Variants in IZUMO4 observed in about 807,000 individuals in gnomAD.
The protein encoded by IZUMO4 is IZUMO family member 4.
Under a neutral mutation model 37.1 loss-of-function variants are expected in IZUMO4, and 51 were observed. That is an observed-to-expected ratio of 1.38 (90% CI 1.10 to 1.74). IZUMO4 has a LOEUF of 1.74. IZUMO4 is among the 40% of genes most tolerant of loss of function. IZUMO4 has a pLI of 0.00. For synonymous variants in IZUMO4, 162 were observed against 121.4 expected (o/e 1.33, Z -2.20); for missense variants, 364 against 299.6 (o/e 1.21, Z -1.59).
At chr19:2,097,860 G>A (rs780447388) in intron 3 of IZUMO4, 69 bp from the exon 4 acceptor site, 207 of 1,588,232 alleles carry the variant, frequency 1.3e-4, no homozygotes, top group Non-Finnish European at 1.7e-4. Flanking sequence ...GGCTTTGGAG[G>A]GTTGGGAGGA....
rs764497673 is a variant in IZUMO4 at position 2,097,117 on chromosome 19, G to A, written c.172G>A (p.Asp58Asn). 15 of 1,612,450 alleles carry A rather than the reference G, an allele frequency of 9.3e-6. No individual in the cohort carries two copies. The highest frequency in any genetic ancestry group is 1.2e-5 in the Non-Finnish European group (14 of 1,179,858). Residue 58 changes from aspartate to asparagine, a missense_variant, in exon 1 of 10, where the codon GAC (aspartate) becomes AAC (asparagine). Asp to Asn is a conservative substitution (Grantham distance 23). Transcript: ENST00000395301. ...VSGALLTDWSDDTMKELHLAI... is the reference protein window; with the variant it reads ...VSGALLTDWSNDTMKELHLAI... ...AGGGGCGCTGCTCACCGACTGGAGC[G>A]ACGACACGATGAAGGAGCTGCACCT...
chr19:2,098,068 G>T lies in IZUMO4; in HGVS notation c.414G>T (p.Glu138Asp). ...CQHRCGIFQY[E>D]TISCNNCTDS... The stretch of plus-strand genomic sequence containing the variant: ...GTGTTTCAGGCATCTTCCAGTACGA[G>T]ACCATCTCCTGCAACAACTGCACAG... Residue 138 changes from glutamate to aspartate, a missense_variant, in exon 5 of 10, where the codon GAG becomes GAT. Glu to Asp is a conservative substitution (Grantham distance 45). Transcript: ENST00000395301. 2 of 1,613,438 alleles carry T rather than the reference G, an allele frequency of 1.2e-6. No homozygotes were observed. Among genetic ancestry groups the T allele is most frequent in the Non-Finnish European group, 1.7e-6 (2 of 1,179,994 alleles).
chr19:2,098,786 G>A lies in IZUMO4; in HGVS notation c.537-1G>A. On this transcript the variant is annotated splice_acceptor_variant, in intron 7 of 9. Transcript: ENST00000395301. LOFTEE classifies it high-confidence loss of function. ...GCTGACTGCCCCACATTGCCTTTCA[G>A]ACAGGACACGAGCATGAGGTAAGGC... The A allele has an allele frequency of 6.2e-7, 1 of 1,601,976 alleles. No individual in the cohort carries two copies. The highest frequency in any genetic ancestry group is 8.5e-7 in the Non-Finnish European group (1 of 1,174,992).
Position 2,099,310 on chromosome 19 carries a change from T to G in IZUMO4, c.664T>G (p.Leu222Val), listed in dbSNP as rs2017845006. 1.2e-6 allele frequency: 2 copies of G among 1,613,436 alleles called. No individual in the cohort carries two copies. Among genetic ancestry groups the G allele is most frequent in the Non-Finnish European group, 1.7e-6 (2 of 1,179,926 alleles). Residue 222 changes from leucine (L) to valine (V), a missense_variant, in exon 10 of 10, where the codon TTG (leucine) becomes GTG (valine). Physicochemically the swap from Leu to Val is conservative, Grantham distance 32 (BLOSUM62 1). Transcript: ENST00000395301. ...GCCCCCACACTTGGCCAACCTGACC[T>G]TGGAAGATGCTGCTGAGTGTCTCAA... ...LEPPHLANLT[L>V]EDAAECLKQH
intron 4 of IZUMO4, 46 bp downstream of exon 4, chr19:2,098,001 C>A: frequency 6.2e-7 from 1 of 1,613,042 alleles, no homozygotes; most frequent in Non-Finnish European, 8.5e-7. Flanking sequence ...GGTGGCAGCT[C>A]GGGGCCCTGG....
At chr19:2,098,865 A>T in intron 8 of IZUMO4, 61 bp downstream of exon 8, 15 of 1,344,406 alleles carry the variant, frequency 1.1e-5, no homozygotes, top group Non-Finnish European at 1.5e-5. Context: ...GAGGGGGGCT[A>T]GGGGGTCCTC....
chr19:2,098,476 A>G, intron 7 of IZUMO4, 26 bp downstream of exon 7: 1 of 1,613,710 alleles, frequency 6.2e-7, no homozygotes, highest in Non-Finnish European at 8.5e-7. Context: ...AAACCAACAC[A>G]GGCAGTGTGT....
chr19:2,097,716 G>A, intron 3 of IZUMO4: 1 of 692,788 alleles, frequency 1.4e-6, no homozygotes, highest in Admixed American at 2.7e-5. Context: ...TGGGAGTGTT[G>A]CCACCGCCCT....
In IZUMO4 at chr19:2,097,067, G is replaced by C. The variant is rs749233155; in HGVS notation, c.122G>C (p.Trp41Ser). Residue 41 changes from tryptophan (W) to serine (S), a missense_variant, in exon 1 of 10, where the codon TGG becomes TCG. Physicochemically the swap from Trp to Ser is radical, Grantham distance 177 (BLOSUM62 -3). Coordinates refer to ENST00000395301, the MANE Select transcript of IZUMO4 (RefSeq NM_001039846.2). Reference sequence around the variant, plus strand: ...CGCCACCATGTGAACTTCAAGTCCTGGTGGGTGGGCGACATCCCCGTGTCA... The same window carrying C: ...CGCCACCATGTGAACTTCAAGTCCTCGTGGGTGGGCGACATCCCCGTGTCA... ...FYRHHVNFKS[W>S]WVGDIPVSGA... The C allele has an allele frequency of 3.7e-6, 6 of 1,612,836 alleles. No homozygotes were observed. Among genetic ancestry groups the C allele is most frequent in the South Asian group, 1.1e-5 (1 of 91,090 alleles).
intron 7 of IZUMO4, 33 bp from the exon 8 acceptor site, chr19:2,098,754 T>C (rs749437053): frequency 1.4e-5 from 22 of 1,604,808 alleles, no homozygotes; most frequent in Non-Finnish European, 1.9e-5. Flanking sequence ...GGGTGCCCCA[T>C]GGAGGGGCTG....
In IZUMO4 at chr19:2,097,424, G is replaced by A; in HGVS notation, c.299G>A (p.Gly100Glu). ...ACCTTCTCCTGCCTCGACGACTCAG[G>A]GTATTTCCCCAACGAGCTGCGAAAC... ...QLYQGKMYFP[G>E]YFPNELRNIF... The change falls in exon 3 of 10, where the codon GGG (glycine) becomes GAG (glutamate). Residue 100 changes from glycine (G) to glutamate (E), a missense_variant and splice_region_variant. Transcript: ENST00000395301. The A allele has an allele frequency of 6.2e-7, 1 of 1,613,040 alleles. No individual in the cohort carries two copies. The highest frequency in any genetic ancestry group is 1.1e-5 in the South Asian group (1 of 91,078).
intron 8 of IZUMO4, 48 bp from the exon 9 acceptor site, chr19:2,098,928 C>T (rs768328297): frequency 3.1e-6 from 5 of 1,600,352 alleles, no homozygotes; most frequent in Non-Finnish European, 3.4e-6. Flanking sequence ...GGGACACCTG[C>T]TGGATGTCAC....
chr19:2,098,498 C>A (rs530429192), intron 7 of IZUMO4, 48 bp downstream of exon 7: 2 of 1,613,094 alleles, frequency 1.2e-6, no homozygotes, highest in Middle Eastern at 1.6e-4. Context: ...TATGTGAGCA[C>A]CTCGTGGGTG....
rs752862772 is a variant in IZUMO4, at chr19:2,099,372, CGTG to C, written c.*29_*31del. ...AGCAGCTGGGCCTGCCCCAGGGCAACGTGGGGGCGGAGACTCAGCTGGACAGCC... is the reference window on the plus strand; with the variant it reads ...AGCAGCTGGGCCTGCCCCAGGGCAACGGGGCGGAGACTCAGCTGGACAGCC... On this transcript the variant is annotated 3_prime_UTR_variant, in exon 10 of 10. Transcript: ENST00000395301. The C allele has an allele frequency of 1.3e-6, 2 of 1,530,464 alleles. No individual in the cohort carries two copies. The highest frequency in any genetic ancestry group is 1.8e-6 in the Non-Finnish European group (2 of 1,116,920). The allele number at this position is 1,530,464 out of a possible 1,614,324, so 94.8% of individuals were successfully genotyped here. A position where few individuals can be genotyped will look rare whatever the true frequency, so the allele number is the denominator to read the frequency against.
At chr19:2,097,200 C>T (rs762277495) in intron 1 of IZUMO4, 38 bp downstream of exon 1, 1 of 1,605,928 alleles carries the variant, frequency 6.2e-7, no homozygotes, top group South Asian at 1.1e-5. Flanking sequence ...GACTACCCCG[C>T]CAGCGAGACC....
chr19:2,098,989 G>A lies in IZUMO4; in HGVS notation c.568G>A (p.Ala190Thr), dbSNP rs755315071. Residue 190 changes from alanine (A) to threonine (T), a missense_variant, in exon 9 of 10, where the codon GCC becomes ACC. Physicochemically the swap from Ala to Thr is moderately conservative, Grantham distance 58. Transcript: ENST00000395301. Reference protein sequence around the residue: ...QDTSMRPRSSAFSWPGTHRAT... With the variant: ...QDTSMRPRSSTFSWPGTHRAT... ...TTTCATGAACAGACCACGCTCCTCT[G>A]CCTTCTCCTGGCCTGGGACACACAG... 6.8e-6 allele frequency: 11 copies of A among 1,613,044 alleles called. No individual in the cohort carries two copies. The highest frequency in any genetic ancestry group is 1.3e-5 in the African/African-American group (1 of 74,928).
intron 7 of IZUMO4, 25 bp downstream of exon 7, chr19:2,098,475 C>G (rs1211837211): frequency 6.2e-6 from 10 of 1,613,808 alleles, no homozygotes; most frequent in Middle Eastern, 3.3e-4. Context: ...CAAACCAACA[C>G]AGGCAGTGTG....
intron 3 of IZUMO4, 162 bp downstream of exon 3, chr19:2,097,657 C>T: frequency 1.3e-6 from 1 of 753,480 alleles, no homozygotes; most frequent in East Asian, 2.6e-5. Context: ...CCTGAAGGAT[C>T]AATGCCATCA....
At chr19:2,098,480 AGTGT>A (rs761483515) in intron 7 of IZUMO4, 30 bp downstream of exon 7, 4 of 1,613,472 alleles carry the variant, frequency 2.5e-6, no homozygotes, top group South Asian at 2.2e-5. Context: ...CAACACAGGC[AGTGT>A]GTGTATGTGA....
Sources: gnomAD v4.1 joint callset for allele counts on GRCh38, gnomAD v4.1.1 for gene constraint, MANE v1.5 for transcripts, NCBI Gene and HGNC (gene_info 2026-07-23, HGNC 2026-07-21) for gene names.